IWS1: variants seen among roughly 807,000 people sequenced by gnomAD.
IWS1 encodes protein IWS1 homolog.
A neutral mutation model predicts 86.7 loss-of-function variants in IWS1; 27 were observed. The observed-to-expected ratio is 0.31, with a 90% CI of 0.23 to 0.43. The LOEUF (loss-of-function observed/expected upper bound fraction) is 0.43, where lower values mean the gene tolerates loss of function less well. IWS1 is among the 20% of genes least tolerant of loss of function. The pLI is 1.00. For synonymous variants in IWS1, 313 were observed against 335.1 expected (o/e 0.93, Z 0.72); for missense variants, 827 against 1,000.8 (o/e 0.83, Z 2.34).
In IWS1 at chr2:127,486,549, T is replaced by C. The variant is rs1689942894; in HGVS notation, c.2328+4A>G. The stretch of plus-strand genomic sequence containing the variant: ...TCCACCTTGCCGATCCTCCGCTTGC[T>C]TACCCTGGATGACTCCATTTCCACA... On this transcript the variant is annotated splice_donor_region_variant and intron_variant, in intron 13 of 13. Coordinates refer to ENST00000295321, the MANE Select transcript of IWS1 (RefSeq NM_017969.3). 1.9e-6 allele frequency: 3 copies of C among 1,606,888 alleles called. No homozygotes were observed. The highest frequency in any genetic ancestry group is 4.5e-5 in the East Asian group (2 of 44,852).
intron 2 of IWS1, among the ~76,000 whole-genome samples, chr2:127,508,505 C>T (rs993043800): frequency 1.3e-5 from 2 of 152,140 alleles, no homozygotes; most frequent in East Asian, 3.8e-4. Context: ...GAATGCTCTC[C>T]ATGATATATC....
At chr2:127,495,920 G>C in intron 7 of IWS1, 78 bp downstream of exon 7, 1 of 1,262,858 alleles carries the variant, frequency 7.9e-7, no homozygotes, top group South Asian at 1.7e-5. Context: ...GTAGTTTAAG[G>C]GTTAAGTATC....
intron 12 of IWS1, among the ~76,000 whole-genome samples, chr2:127,486,972 G>A (rs1218088636): frequency 6.6e-6 from 1 of 151,936 alleles, no homozygotes; most frequent in Non-Finnish European, 1.5e-5. Context: ...GGCTAGTCCC[G>A]CCCGCATGAC....
chr2:127,522,539 C>A (rs932289118), intron 2 of IWS1, among the ~76,000 whole-genome samples: 1 of 152,242 alleles, frequency 6.6e-6, no homozygotes, highest in Admixed American at 6.5e-5. Flanking sequence ...AAGTCTGACA[C>A]ATATTAGGTG....
chr2:127,501,953 T>C (rs1372738129), intron 5 of IWS1: 9 of 152,250 alleles, frequency 5.9e-5, no homozygotes. Context: ...CTCTGACATT[T>C]TGAATCTTGT....
Position 127,526,285 on chromosome 2 carries a change from G to A in IWS1, c.-77C>T. 1 of 1,545,092 alleles carries A rather than the reference G, an allele frequency of 6.5e-7. No individual in the cohort carries two copies. The highest frequency in any genetic ancestry group is 1.2e-5 in the South Asian group (1 of 84,104). On this transcript the variant is annotated 5_prime_UTR_variant, in exon 1 of 14. Transcript: ENST00000295321. ...CCTCCTTCCAGGCGGTGTGACCCCG[G>A]ATGGCGCGGCTAAGTGTTCAGAGAC...
Position 127,505,904 on chromosome 2 carries a change from C to G in IWS1, c.151-152G>C. 2.0e-6 allele frequency: 1 copy of G among 499,498 alleles called. No individual in the cohort carries two copies. The highest frequency in any genetic ancestry group is 2.0e-5 in the African/African-American group (1 of 50,938). 30.9% of individuals were successfully genotyped at this position (499,498 alleles called of 1,614,324 possible). On this transcript the variant is annotated intron_variant, in intron 2 of 13. Transcript: ENST00000295321. The surrounding 1 kb of genome is among the most constrained non-coding windows in gnomAD (Gnocchi z 5.0). ...TGTCCTATACCCATATAGAAACACC[C>G]CCACAGAAAGCCAATCAGTGAAATG...
chr2:127,511,723 CAATGCTTAACAT>C (rs1462138985), intron 2 of IWS1, among the ~76,000 whole-genome samples: 7 of 152,238 alleles, frequency 4.6e-5, no homozygotes, highest in African/African-American at 1.7e-4. Context: ...ACCCCACAAG[CAATGCTTAACAT>C]AAAATAAATG....
In IWS1 at chr2:127,486,500, T is replaced by C. The variant is rs1049157858; in HGVS notation, c.2328+53A>G. 23 of 1,240,040 alleles carry C rather than the reference T, an allele frequency of 1.9e-5. No homozygotes were observed. In the Admixed American group the frequency reaches 3.5e-4, roughly 19 times the overall value. The allele number at this position is 1,240,040 out of a possible 1,614,324, so 76.8% of individuals were successfully genotyped here. A position where few individuals can be genotyped will look rare whatever the true frequency, so the allele number is the denominator to read the frequency against. On this transcript the variant is annotated intron_variant, in intron 13 of 13. Coordinates refer to ENST00000295321, the MANE Select transcript of IWS1 (RefSeq NM_017969.3). ...GGTTATTAACACATGAAGTAAAGAG[T>C]CAAACAGTAATCTGCAGGTGAGATC...
Position 127,505,164 on chromosome 2 carries a change from T to C in IWS1, c.739A>G (p.Ile247Val). 1 of 1,611,832 alleles carries C rather than the reference T, an allele frequency of 6.2e-7. No homozygotes were observed. Among genetic ancestry groups the C allele is most frequent in the Non-Finnish European group, 8.5e-7 (1 of 1,178,362 alleles). The change falls in exon 3 of 14, where the codon ATC becomes GTC. Residue 247 changes from isoleucine to valine, a missense_variant. Coordinates refer to ENST00000295321, the MANE Select transcript of IWS1 (RefSeq NM_017969.3). The surrounding 1 kb of genome is among the most constrained non-coding windows in gnomAD (Gnocchi z 5.0). ...SENEELPKPR[I>V]SDSESEDPPR... ...GGGTCCTCACTTTCTGAGTCACTGA[T>C]ACGAGGTTTGGGAAGCTCCTCATTT...
chr2:127,505,438 G>T lies in IWS1; in HGVS notation c.465C>A (p.Pro155=). The change falls in exon 3 of 14, where the codon CCC becomes CCA. Residue 155 remains proline (P), a synonymous_variant. Transcript: ENST00000295321. This position sits in a 1 kb window ranked among gnomAD's most constrained non-coding sequence, Gnocchi z 5.0. ...DSENEDVGKH[P]ASDSEIEELQ... is the part of the protein sequence containing the mutation. ...GCTCCTCAATCTCAGAATCACTGGC[G>T]GGATGCTTCCCAACATCTTCGTTTT... The T allele has an allele frequency of 9.3e-6, 15 of 1,614,000 alleles. No individual in the cohort carries two copies. Among genetic ancestry groups the T allele is most frequent in the Non-Finnish European group, 1.3e-5 (15 of 1,180,012 alleles).
Position 127,525,094 on chromosome 2 carries a change from G to A in IWS1, c.34+1081C>T, listed in dbSNP as rs557449297. 5.3e-5 allele frequency among the ~76,000 whole-genome samples: 8 copies of A among 149,740 alleles called. No individual in the cohort carries two copies. The South Asian group carries it at 1.7e-3, about 32-fold the overall frequency. On this transcript the variant is annotated intron_variant, in intron 1 of 13. Coordinates refer to ENST00000295321, the MANE Select transcript of IWS1 (RefSeq NM_017969.3). ...CATTTTTTTGTAGAGACGAAGTAGG[G>A]GGGTGGGGTAGGGGCGTAGGGGGGT...
intron 2 of IWS1, among the ~76,000 whole-genome samples, chr2:127,518,651 T>G (rs1016855339): frequency 1.3e-5 from 2 of 149,726 alleles, no homozygotes; most frequent in Non-Finnish European, 3.0e-5. Context: ...CTGCAACCTC[T>G]GCCTCCCAGG....
At chr2:127,507,383 T>C (rs1179030041) in intron 2 of IWS1, among the ~76,000 whole-genome samples, 2 of 152,180 alleles carry the variant, frequency 1.3e-5, no homozygotes, top group Admixed American at 6.5e-5. Flanking sequence ...CACTGAAATA[T>C]AGCACATTCA....
chr2:127,485,822 C>G (rs1201154449), intron 13 of IWS1: 1 of 152,304 alleles, frequency 6.6e-6, no homozygotes, highest in East Asian at 1.9e-4. Flanking sequence ...ACTTTTCACT[C>G]TGACTGTTGA....
rs556720777 is a variant in IWS1, at chr2:127,522,762, T to C, written c.150+914A>G. Reference sequence around the variant, plus strand: ...CTACCAAAGACTTACGGCGAACTTATTGAAAAATTTCCCAATTTTATCTTG... The same window carrying C: ...CTACCAAAGACTTACGGCGAACTTACTGAAAAATTTCCCAATTTTATCTTG... On this transcript the variant is annotated intron_variant, in intron 2 of 13. Coordinates refer to ENST00000295321, the MANE Select transcript of IWS1 (RefSeq NM_017969.3). 5.9e-5 allele frequency among the ~76,000 whole-genome samples: 9 copies of C among 152,374 alleles called. No homozygotes were observed. The South Asian group carries it at 1.7e-3, about 28-fold the overall frequency.
chr2:127,515,149 C>T (rs758029686), intron 2 of IWS1, among the ~76,000 whole-genome samples: 7 of 152,170 alleles, frequency 4.6e-5, no homozygotes, highest in African/African-American at 7.2e-5. Context: ...GTTTATTACA[C>T]CTCATTTGTC....
intron 13 of IWS1, among the ~76,000 whole-genome samples, chr2:127,483,224 G>T (rs1255645676): frequency 2.6e-5 from 4 of 152,092 alleles, no homozygotes; most frequent in African/African-American, 9.7e-5. Flanking sequence ...TGTTATTTTA[G>T]AAGTATTCCA....
intron 13 of IWS1, 115 bp from the exon 14 acceptor site, chr2:127,481,290 C>A: frequency 1.1e-6 from 1 of 928,314 alleles, no homozygotes; most frequent in Non-Finnish European, 1.5e-6. Context: ...TCTGGAATAA[C>A]CAGAATGTGT....
Sources: allele counts gnomAD v4.1 joint callset (sites outside exome capture counted in the v4.1 genomes callset), GRCh38; gene constraint gnomAD v4.1.1; non-coding constraint Gnocchi (gnomAD v3.1); transcripts MANE v1.5; gene names NCBI Gene and HGNC (gene_info 2026-07-23, HGNC 2026-07-21).